The following INCA1 variants were observed in gnomAD, a reference collection of about 807,000 sequenced individuals.
The protein encoded by INCA1 is protein INCA1.
Under a neutral mutation model 25.7 loss-of-function variants are expected in INCA1, and 28 were observed. That is an observed-to-expected ratio of 1.09 (90% CI 0.81 to 1.49). The LOEUF is 1.49. Ranked by LOEUF, INCA1 falls within the 40% of genes most tolerant of loss-of-function variation. The pLI, the probability that INCA1 is intolerant of heterozygous loss-of-function variation, is 0.00. For missense variants in INCA1, 309 were observed against 290.9 expected, an observed-to-expected ratio of 1.06 and a Z score of -0.45; for synonymous variants, 111 against 103.6, an observed-to-expected ratio of 1.07 and a Z score of -0.43.
chr17:4,990,011 CCTTT>C, intron 3 of INCA1, 82 bp from the exon 4 acceptor site: 2 of 1,611,986 alleles, frequency 1.2e-6, no homozygotes, highest in Non-Finnish European at 1.7e-6. Context: ...CTCCCGACCT[CCTTT>C]CTGTCATTAG....
chr17:4,996,974 C>T (rs1974333876), intron 1 of INCA1: 1 of 153,260 alleles, frequency 6.5e-6, no homozygotes. Flanking sequence ...GGCATTCGGG[C>T]CTCAGATAGT....
At chr17:4,989,848 A>G (rs1319904700) in intron 4 of INCA1, 42 bp downstream of exon 4, 2 of 1,614,004 alleles carry the variant, frequency 1.2e-6, no homozygotes, top group African/African-American at 1.3e-5. Context: ...AGTGGGTGCA[A>G]TTTTAACAGA....
intron 1 of INCA1, among the ~76,000 whole-genome samples, chr17:4,996,666 CAAAAAA>C (rs35732129): frequency 1.5e-4 from 8 of 51,802 alleles, no homozygotes; most frequent in South Asian, 8.7e-4. Flanking sequence ...GACTCCGTCT[CAAAAAA>C]AAAAAAAAAA....
chr17:4,988,431 T>TC lies in INCA1; in HGVS notation c.684dup (p.Met229AspfsTer7). Reference sequence around the variant, plus strand: ...TACTCTTCAGACGCTGCCAACTCCATCCCCCAGGGATTGTGAAGGGGGTTC... The same window carrying TC: ...TACTCTTCAGACGCTGCCAACTCCATCCCCCCAGGGATTGTGAAGGGGGTTC... On this transcript the variant is annotated frameshift_variant, in exon 7 of 7. Transcript: ENST00000576820. LOFTEE classifies it high-confidence loss of function. 6 of 1,609,302 alleles carry TC rather than the reference T, an allele frequency of 3.7e-6. No homozygotes were observed. Among genetic ancestry groups the TC allele is most frequent in the Non-Finnish European group, 4.2e-6 (5 of 1,178,182 alleles).
At chr17:4,989,975 C>A (rs113398174) in intron 3 of INCA1, 46 bp from the exon 4 acceptor site, 1,133 of 1,613,164 alleles carry the variant, frequency 7.0e-4, no homozygotes, top group Non-Finnish European at 9.1e-4. Context: ...GGGACATGTC[C>A]ATCCATATTG....
chr17:4,988,436 C>G, exon 7 of INCA1: 1 of 1,612,378 alleles, frequency 6.2e-7, no homozygotes, highest in African/African-American at 1.3e-5. Context: ...CTCCATCCCC[C>G]AGGGATTGTG....
At chr17:4,994,815 G>GCATT (rs1458050174) in intron 1 of INCA1, among the ~76,000 whole-genome samples, 3 of 141,510 alleles carry the variant, frequency 2.1e-5, no homozygotes, top group African/African-American at 7.8e-5. Context: ...AAAAAAAAAG[G>GCATT]CATTCATTCA....
intron 2 of INCA1, among the ~76,000 whole-genome samples, chr17:4,990,878 C>T (rs1289543006): frequency 6.7e-6 from 1 of 149,358 alleles, no homozygotes; most frequent in Non-Finnish European, 1.5e-5. Flanking sequence ...AGAGAAACTC[C>T]GTCTCAAAAA....
At position 4,989,065 on chromosome 17, in the gene INCA1, T is replaced by G. The variant is rs563616756; in HGVS notation, c.396-121A>C. The stretch of plus-strand genomic sequence containing the variant: ...GACTCCAGGGAGTTGTCATTTGACC[T>G]TTAACCCTCCACTCCCAATTTTCTG... On this transcript the variant is annotated intron_variant, in intron 5 of 6. Transcript: ENST00000576820. 41 of 1,123,952 alleles carry G rather than the reference T, an allele frequency of 3.6e-5. No homozygotes were observed. The South Asian group carries it at 6.1e-4, about 17-fold the overall frequency. 69.6% of individuals were successfully genotyped at this position (1,123,952 alleles called of 1,614,324 possible). A position where few individuals can be genotyped will look rare whatever the true frequency, so the allele number is the denominator to read the frequency against.
chr17:4,994,560 G>C (rs1974101927), intron 1 of INCA1, 85 bp from the exon 2 acceptor site: 6 of 988,838 alleles, frequency 6.1e-6, no homozygotes, highest in Non-Finnish European at 7.8e-6. Flanking sequence ...TGGAGGCCAA[G>C]GCGGGCGGAT....
At chr17:4,990,250 G>C (rs759947531) in exon 3 of INCA1, 2 of 1,613,672 alleles carry the variant, frequency 1.2e-6, no homozygotes, top group Admixed American at 1.7e-5. Context: ...GAGATCGGCT[G>C]ACCACCCTGG....
At chr17:4,988,846 T>C in exon 6 of INCA1, 1 of 1,614,218 alleles carries the variant, frequency 6.2e-7, no homozygotes, top group Non-Finnish European at 8.5e-7. Context: ...CTCTTCCAGA[T>C]CAGGGTATTC....
At chr17:4,988,630 A>G in intron 6 of INCA1, 76 bp from the exon 7 acceptor site, 1 of 1,576,454 alleles carries the variant, frequency 6.3e-7, no homozygotes, top group Non-Finnish European at 8.6e-7. Context: ...ACCCAAGCTT[A>G]GGTACCTCGA....
Position 4,990,952 on chromosome 17 carries a change from CTT to C in INCA1, c.45-689_45-688del, listed in dbSNP as rs953852781. On this transcript the variant is annotated intron_variant, in intron 2 of 6. Coordinates refer to ENST00000576820, the Ensembl canonical transcript of INCA1. ...ATGTATTTATTGAGACCGTTTCACTCTTGTCACCCAGGCTGGAGTGCAATGGC... is the reference window on the plus strand; with the variant it reads ...ATGTATTTATTGAGACCGTTTCACTCGTCACCCAGGCTGGAGTGCAATGGC... 4.6e-5 allele frequency among the ~76,000 whole-genome samples: 7 copies of C among 151,516 alleles called. No individual in the cohort carries two copies. The East Asian group carries it at 1.2e-3, about 26-fold the overall frequency.
At chr17:4,990,339 G>A in intron 2 of INCA1, 74 bp from the exon 3 acceptor site, 2 of 1,505,250 alleles carry the variant, frequency 1.3e-6, no homozygotes, top group Admixed American at 2.2e-5. Flanking sequence ...GGATTCAGGG[G>A]CCATCTTTCC....
intron 2 of INCA1, among the ~76,000 whole-genome samples, chr17:4,991,080 G>C (rs1185755360): frequency 6.6e-6 from 1 of 151,346 alleles, no homozygotes; most frequent in Non-Finnish European, 1.5e-5. Context: ...TACCACGCCC[G>C]GCCAATTTTG....
chr17:4,989,511 C>G (rs780750061), exon 5 of INCA1: 1 of 1,614,244 alleles, frequency 6.2e-7, no homozygotes, highest in South Asian at 1.1e-5. Context: ...CCCCAAGGCC[C>G]TGCTGCTGCA....
chr17:4,991,035 C>T (rs1468040154), intron 2 of INCA1, among the ~76,000 whole-genome samples: 2 of 151,842 alleles, frequency 1.3e-5, no homozygotes, highest in Middle Eastern at 3.4e-3. Flanking sequence ...TCTCCTGCCT[C>T]AGCCTCCCGA....
intron 1 of INCA1, among the ~76,000 whole-genome samples, chr17:4,995,527 G>A (rs1265182743): frequency 1.3e-5 from 2 of 152,212 alleles, no homozygotes; most frequent in African/African-American, 4.8e-5. Flanking sequence ...GGGTGCAGTG[G>A]CTCACACCTG....
Sources: allele counts gnomAD v4.1 joint callset (sites outside exome capture counted in the v4.1 genomes callset), GRCh38; gene constraint gnomAD v4.1.1; transcripts MANE v1.5; gene names NCBI Gene and HGNC (gene_info 2026-07-23, HGNC 2026-07-21).